Variants in MASP1 observed in about 807,000 individuals in gnomAD.
MASP1 encodes the protein mannan-binding lectin serine protease 1.
Under a neutral mutation model 77.1 loss-of-function variants are expected in MASP1, and 59 were observed. The ratio of observed to expected loss-of-function variants is 0.77; its 90% CI spans 0.62 to 0.95. The LOEUF (loss-of-function observed/expected upper bound fraction) is 0.95, where lower values mean the gene tolerates loss of function less well. Ranked by LOEUF, MASP1 falls within the 40% of genes least tolerant of loss-of-function variation. The pLI is 0.00. For synonymous variants in MASP1, 362 were observed against 354.5 expected (o/e 1.02, Z -0.24); for missense variants, 885 against 912.9 (o/e 0.97, Z 0.39).
At chr3:187,220,109 T>C (rs1391713298) in exon 16 of MASP1, 5 of 1,613,952 alleles carry the variant, frequency 3.1e-6, no homozygotes, top group South Asian at 2.2e-5. Context: ...ATCCAGTCCT[T>C]GTTGTGGTGG....
chr3:187,248,135 G>C (rs1298336639), intron 8 of MASP1, among the ~76,000 whole-genome samples: 1 of 152,138 alleles, frequency 6.6e-6, no homozygotes, highest in Non-Finnish European at 1.5e-5. Context: ...AATTCTAATA[G>C]TCTTAATCCA....
intron 6 of MASP1, 83 bp from the exon 7 acceptor site, chr3:187,251,835 G>C: frequency 9.8e-7 from 1 of 1,021,160 alleles, no homozygotes; most frequent in Non-Finnish European, 1.6e-6. Flanking sequence ...AGCAAGGCCT[G>C]ATGAAGGTGA....
At chr3:187,236,612 C>T (rs775018793) in intron 10 of MASP1, 45 bp from the exon 11 acceptor site, 2 of 1,612,774 alleles carry the variant, frequency 1.2e-6, no homozygotes, top group African/African-American at 2.7e-5. Flanking sequence ...AGAGACTGGT[C>T]AGGTCAGCCA....
chr3:187,263,992 T>A (rs1342296541), intron 2 of MASP1, among the ~76,000 whole-genome samples: 1 of 152,204 alleles, frequency 6.6e-6, no homozygotes, highest in Admixed American at 6.5e-5. Context: ...ATGAAAAAAA[T>A]CTCTTACCAA....
chr3:187,223,339 C>G, intron 13 of MASP1: 1 of 728,502 alleles, frequency 1.4e-6, no homozygotes, highest in Non-Finnish European at 2.5e-6. Context: ...GGGAGGAAGA[C>G]GTGAAAGGCA....
chr3:187,264,699 A>G (rs1560023376), intron 2 of MASP1, among the ~76,000 whole-genome samples: 1 of 152,008 alleles, frequency 6.6e-6, no homozygotes, highest in Non-Finnish European at 1.5e-5. Flanking sequence ...GTCATGTTTT[A>G]TTTCCTGTCT....
At chr3:187,275,255 A>G (rs907290290) in intron 2 of MASP1, among the ~76,000 whole-genome samples, 1 of 152,186 alleles carries the variant, frequency 6.6e-6, no homozygotes, top group Non-Finnish European at 1.5e-5. Context: ...GGGTGAAGGC[A>G]GTGATGAGGC....
At chr3:187,262,438 T>C in intron 3 of MASP1, 105 bp downstream of exon 3, 1 of 1,102,930 alleles carries the variant, frequency 9.1e-7, no homozygotes, top group African/African-American at 1.5e-5. Context: ...GTAAAATCTA[T>C]GTGGTGCACA....
At chr3:187,244,213 G>C (rs1713895941) in intron 8 of MASP1, 1 of 160,940 alleles carries the variant, frequency 6.2e-6, no homozygotes, top group Admixed American at 5.7e-5. Context: ...GGCAGGGTTG[G>C]AGGTGGATCA....
downstream of MASP1, chr3:187,229,772 C>T: frequency 6.2e-7 from 1 of 1,614,190 alleles, no homozygotes; most frequent in African/African-American, 1.3e-5. Flanking sequence ...AGAAGGGAGC[C>T]TCCGCAGAAG....
At chr3:187,230,084 A>G (rs538296214), downstream of MASP1, among the ~76,000 whole-genome samples, 39 of 152,300 alleles carry the variant, frequency 2.6e-4, no homozygotes, top group African/African-American at 9.4e-4. Flanking sequence ...TTCTTAGTCT[A>G]TGCAGCTAGA....
chr3:187,281,417 C>G (rs114858684), intron 2 of MASP1, among the ~76,000 whole-genome samples: 114 of 152,308 alleles, frequency 7.5e-4, no homozygotes, highest in Non-Finnish European at 1.4e-3. Flanking sequence ...TAAACCTACT[C>G]CTATGTAGGC....
downstream of MASP1, among the ~76,000 whole-genome samples, chr3:187,232,640 G>A (rs924250313): frequency 4.6e-5 from 7 of 152,184 alleles, no homozygotes; most frequent in African/African-American, 1.4e-4. Context: ...ATCCCTAGGA[G>A]AAGGAGAGTG....
intron 3 of MASP1, among the ~76,000 whole-genome samples, chr3:187,262,125 G>A (rs940862167): frequency 2.6e-5 from 4 of 152,064 alleles, no homozygotes; most frequent in African/African-American, 9.7e-5. Context: ...CTGGGCTGGT[G>A]GTAAAGTTCA....
downstream of MASP1, among the ~76,000 whole-genome samples, chr3:187,232,817 G>A (rs899958323): frequency 1.3e-5 from 2 of 152,190 alleles, no homozygotes; most frequent in African/African-American, 2.4e-5. Context: ...CATGAGACAC[G>A]ATAGTCCTTC....
chr3:187,225,521 G>T (rs1373430907), intron 12 of MASP1: 3 of 1,614,036 alleles, frequency 1.9e-6, no homozygotes, highest in Non-Finnish European at 2.5e-6. Context: ...TGGGCAAGAA[G>T]AAGACATGTG....
chr3:187,253,813 G>A (rs1714836479), intron 5 of MASP1, among the ~76,000 whole-genome samples: 1 of 151,872 alleles, frequency 6.6e-6, no homozygotes, highest in African/African-American at 2.4e-5. Context: ...ACAGGGAGGG[G>A]AAGATCACAC....
At chr3:187,231,984 CGA>C (rs1302884020), downstream of MASP1, among the ~76,000 whole-genome samples, 1 of 151,898 alleles carries the variant, frequency 6.6e-6, no homozygotes, top group African/African-American at 2.4e-5. Context: ...GAGAGAGGAC[CGA>C]GAGAGAGAGG....
At position 187,253,307 on chromosome 3, in the gene MASP1, A is replaced by C. The variant is rs527250528; in HGVS notation, c.753T>G (p.Val251=). 41 of 1,614,130 alleles carry C rather than the reference A, an allele frequency of 2.5e-5. 1 individual carries two copies. The South Asian group carries it at 4.0e-4, about 16-fold the overall frequency. The change falls in exon 6 of 11, where the codon GTT becomes GTG. Residue 251 remains valine, a synonymous_variant. Coordinates refer to ENST00000296280, the MANE Select transcript of MASP1 (RefSeq NM_139125.4). ...PCPYDYIKIK[V]GPKVLGPFCG... is the part of the protein sequence containing the mutation. ...AGAAAGGCCCCAAAACTTTTGGACC[A>C]ACTTTGATCTGCAAAATATGAGAGA... is the stretch of plus-strand genomic sequence containing the variant.
Sources: allele counts gnomAD v4.1 joint callset (sites outside exome capture counted in the v4.1 genomes callset), GRCh38; gene constraint gnomAD v4.1.1; transcripts MANE v1.5; gene names NCBI Gene and HGNC (gene_info 2026-07-23, HGNC 2026-07-21).